Variants in USP34 observed in about 807,000 individuals in gnomAD.
USP34 encodes the protein ubiquitin specific peptidase 34.
USP34 carries 70 observed loss-of-function variants against 460.3 expected under a neutral mutation model. That is an observed-to-expected ratio of 0.15 (90% CI 0.13 to 0.19). The LOEUF is 0.19. Ranked by LOEUF, USP34 falls within the 10% of genes least tolerant of loss-of-function variation. USP34 has a pLI of 1.00. For missense variants in USP34, 3,985 were observed against 4,236.2 expected (o/e 0.94, Z 1.65); for synonymous variants, 1,647 against 1,405.3 (o/e 1.17, Z -3.85).
chr2:61,230,430 G>C (rs1687859505), intron 58 of USP34, among the ~76,000 whole-genome samples: 3 of 152,306 alleles, frequency 2.0e-5, no homozygotes, highest in Admixed American at 6.5e-5. Flanking sequence ...AGCTGAGGCA[G>C]GGAGAACTGT....
chr2:61,457,190 C>G (rs531355376), intron 1 of USP34, among the ~76,000 whole-genome samples: 1 of 152,268 alleles, frequency 6.6e-6, no homozygotes, highest in African/African-American at 2.4e-5. Flanking sequence ...GTGGGAGGAT[C>G]TCTTGAGCCT....
chr2:61,301,516 G>A, intron 27 of USP34, 62 bp from the exon 28 acceptor site: 5 of 1,428,318 alleles, frequency 3.5e-6, no homozygotes, highest in Non-Finnish European at 4.9e-6. Context: ...TTGCTGATAA[G>A]AATATGTAGT....
Position 61,195,381 on chromosome 2 carries a change from A to C in USP34, c.9509-2401T>G, listed in dbSNP as rs537146094. Among the ~76,000 whole-genome samples the C allele has an allele frequency of 7.3e-5, 11 of 151,564 alleles. No homozygotes were observed. In the South Asian group the frequency reaches 2.3e-3, roughly 32 times the overall value. ...TTTTAAAGGTTAAAAAAAAAAAAAA[A>C]AAATCAGCCAGGCTGGGCATAGTGG... On this transcript the variant is annotated intron_variant, in intron 75 of 79. Transcript: ENST00000398571.
In USP34 at chr2:61,295,300, G is replaced by C. The variant is rs1356459178; in HGVS notation, c.4255-10C>G. The C allele has an allele frequency of 6.4e-7, 1 of 1,568,084 alleles. No homozygotes were observed. Among genetic ancestry groups the C allele is most frequent in the Non-Finnish European group, 8.6e-7 (1 of 1,161,582 alleles). On this transcript the variant is annotated splice_polypyrimidine_tract_variant and intron_variant, in intron 30 of 79. Transcript: ENST00000398571. The stretch of plus-strand genomic sequence containing the variant: ...TAAATCCATCATTACTCTTAAATTA[G>C]AAAAACATGTTTCTCAAGCCAACTT...
chr2:61,270,324 G>GTA (rs1337315005), intron 41 of USP34, among the ~76,000 whole-genome samples: 1 of 152,184 alleles, frequency 6.6e-6, no homozygotes, highest in Non-Finnish European at 1.5e-5. Flanking sequence ...GAATCAAAAA[G>GTA]TAGGCCTTCA....
Position 61,324,317 on chromosome 2 carries a change from A to G in USP34, c.3013+1058T>C, listed in dbSNP as rs144256094. On this transcript the variant is annotated intron_variant, in intron 21 of 79. Coordinates refer to ENST00000398571, the MANE Select transcript of USP34 (RefSeq NM_014709.4). Reference sequence around the variant, plus strand: ...CTCTACTTTTAAAAAATTAACTGTTAACGAAACTGAGTTTAAAGTCAAACT... The same window carrying G: ...CTCTACTTTTAAAAAATTAACTGTTGACGAAACTGAGTTTAAAGTCAAACT... 3.1e-3 allele frequency among the ~76,000 whole-genome samples: 476 copies of G among 152,346 alleles called. 4 individuals are homozygous for G. The highest frequency in any genetic ancestry group is 5.8e-3 in the Non-Finnish European group (397 of 68,024).
intron 6 of USP34, among the ~76,000 whole-genome samples, chr2:61,380,781 C>A (rs1692945405): frequency 6.6e-6 from 1 of 152,188 alleles, no homozygotes; most frequent in Non-Finnish European, 1.5e-5. Context: ...CCTTCTCTTG[C>A]TGGGAACTCT....
intron 30 of USP34, among the ~76,000 whole-genome samples, chr2:61,296,328 C>T (rs1241163071): frequency 6.6e-6 from 1 of 152,124 alleles, no homozygotes; most frequent in Non-Finnish European, 1.5e-5. Context: ...AGATACCCAA[C>T]ACACATGTGA....
intron 16 of USP34, among the ~76,000 whole-genome samples, chr2:61,342,834 TAAAA>T (rs1219289703): frequency 1.3e-5 from 2 of 152,134 alleles, no homozygotes; most frequent in Non-Finnish European, 2.9e-5. Context: ...CTCCACGCAG[TAAAA>T]AATAGGTAAA....
intron 5 of USP34, among the ~76,000 whole-genome samples, chr2:61,386,519 G>A (rs998326512): frequency 2.6e-5 from 4 of 152,064 alleles, no homozygotes; most frequent in African/African-American, 7.2e-5. Flanking sequence ...GGCCGGGCAC[G>A]GTGGCTCACA....
In USP34 at chr2:61,246,848, C is replaced by T. The variant is rs183851459; in HGVS notation, c.6395-371G>A. On this transcript the variant is annotated intron_variant, in intron 49 of 79. Coordinates refer to ENST00000398571, the MANE Select transcript of USP34 (RefSeq NM_014709.4). ...AAAATATTTCTTTAATCTGACTAAT[C>T]TTTTGAAATAGGTAATATAAAATGC... is the stretch of plus-strand genomic sequence containing the variant. Among the ~76,000 whole-genome samples the T allele has an allele frequency of 5.4e-3, 821 of 152,126 alleles. 7 individuals carry two copies. Among genetic ancestry groups the T allele is most frequent in the Non-Finnish European group, 6.3e-3 (430 of 67,946 alleles).
chr2:61,331,470 A>C, intron 19 of USP34, 99 bp from the exon 20 acceptor site: 1 of 983,848 alleles, frequency 1.0e-6, no homozygotes, highest in Non-Finnish European at 1.4e-6. Flanking sequence ...AAAATCTTCA[A>C]ATGTAAAATT....
intron 1 of USP34, among the ~76,000 whole-genome samples, chr2:61,457,759 G>C (rs1036510209): frequency 6.6e-6 from 1 of 152,132 alleles, no homozygotes; most frequent in Non-Finnish European, 1.5e-5. Flanking sequence ...TACTTGGGAG[G>C]CTCTTTTGAG....
Position 61,348,042 on chromosome 2 carries a change from T to G in USP34, c.2113A>C (p.Ile705Leu), listed in dbSNP as rs200450561. 1.4e-4 allele frequency: 231 copies of G among 1,614,184 alleles called. No individual in the cohort carries two copies. The highest frequency in any genetic ancestry group is 3.3e-4 in the Middle Eastern group (2 of 6,062). The change falls in exon 15 of 80, where the codon ATT becomes CTT. Residue 705 changes from isoleucine (I) to leucine (L), a missense_variant. This residue lies in a region of USP34 where 716 missense variants were observed against 626.2 expected (regional missense o/e 1.14). Transcript: ENST00000398571. ...TGAGTAGCATTCATTTCCCCTGAAA[T>G]ATCATGTTCTGGGTCTTCAGAGTGT... Reference protein sequence around the residue: ...CSHSEDPEHDISGEMNATHIA... With the variant: ...CSHSEDPEHDLSGEMNATHIA...
At chr2:61,278,612 C>T (rs1364979076) in intron 39 of USP34, among the ~76,000 whole-genome samples, 169 bp from the exon 40 acceptor site, 4 of 151,926 alleles carry the variant, frequency 2.6e-5, no homozygotes, top group Admixed American at 6.6e-5. Flanking sequence ...GTCAATTAAC[C>T]AAATGAGTCT....
At chr2:61,307,379 G>A (rs1178123538) in intron 27 of USP34, among the ~76,000 whole-genome samples, 1 of 151,886 alleles carries the variant, frequency 6.6e-6, no homozygotes, top group Non-Finnish European at 1.5e-5. Context: ...ACAAGTTAAT[G>A]GGTGCAGGAC....
intron 70 of USP34, chr2:61,208,664 T>C (rs185733797): frequency 3.7e-6 from 1 of 268,522 alleles, no homozygotes; most frequent in Admixed American, 5.3e-5. Flanking sequence ...CAAATGGCTG[T>C]TCTAAATACA....
At chr2:61,411,132 C>T (rs77336823) in intron 2 of USP34, among the ~76,000 whole-genome samples, 1,692 of 152,182 alleles carry the variant, frequency 0.011, 33 homozygotes, top group African/African-American at 0.038. Flanking sequence ...TGCCTGTAAT[C>T]CCAGCACTTT....
In USP34 at chr2:61,256,909, A is replaced by G; in HGVS notation, c.6090T>C (p.Thr2030=). 1 of 1,564,760 alleles carries G rather than the reference A, an allele frequency of 6.4e-7. No individual in the cohort carries two copies. Among genetic ancestry groups the G allele is most frequent in the Non-Finnish European group, 8.6e-7 (1 of 1,158,194 alleles). The change falls in exon 47 of 80, where the codon ACT becomes ACC. Residue 2030 remains threonine, a synonymous_variant. Transcript: ENST00000398571. ...HVSQTAEEFY[T]VRCQVADMKN... ...TCATATCAGCCACTTGGCACCTCACAGTATAAAACTCTTCAGCAGTTTGAC... is the reference window on the plus strand; with the variant it reads ...TCATATCAGCCACTTGGCACCTCACGGTATAAAACTCTTCAGCAGTTTGAC...
Sources: allele counts gnomAD v4.1 joint callset (sites outside exome capture counted in the v4.1 genomes callset), GRCh38; gene constraint gnomAD v4.1.1; regional missense constraint gnomAD v4.1.1; transcripts MANE v1.5; gene names NCBI Gene and HGNC (gene_info 2026-07-23, HGNC 2026-07-21).